Variants in CREBL2 observed in about 807,000 individuals in gnomAD.
CREBL2 encodes the protein cAMP responsive element binding protein like 2.
In CREBL2, 4 loss-of-function variants were observed where a neutral mutation model predicts 19.5. The observed-to-expected ratio is 0.20, with a 90% CI of 0.10 to 0.47. The LOEUF (loss-of-function observed/expected upper bound fraction) is 0.47, where lower values mean the gene tolerates loss of function less well. CREBL2 is among the 20% of genes least tolerant of loss of function. The pLI, the probability that CREBL2 is intolerant of heterozygous loss-of-function variation, is 0.98. For synonymous variants in CREBL2, 42 were observed against 46.6 expected (o/e 0.90, Z 0.40); for missense variants, 85 against 145.1 (o/e 0.59, Z 2.13).
chr12:12,619,439 C>T (rs541312414), intron 1 of CREBL2, among the ~76,000 whole-genome samples: 2 of 152,230 alleles, frequency 1.3e-5, no homozygotes, highest in South Asian at 4.2e-4. Context: ...AACCCCATCT[C>T]TTCAAAAAAT....
At chr12:12,620,843 G>A (rs1023566705) in intron 1 of CREBL2, among the ~76,000 whole-genome samples, 5 of 152,104 alleles carry the variant, frequency 3.3e-5, no homozygotes, top group African/African-American at 4.8e-5. Context: ...CATTTTATTG[G>A]GTGAGGCAGA....
chr12:12,642,004 A>G lies in CREBL2; in HGVS notation c.*6A>G, dbSNP rs767888899. On this transcript the variant is annotated 3_prime_UTR_variant, in exon 4 of 4. Transcript: ENST00000228865. Reference sequence around the variant, plus strand: ...ACTTTTATTTTTCAGGGTGAAGATTATATAAAGATGAGTCAGTGATTGAAG... The same window carrying G: ...ACTTTTATTTTTCAGGGTGAAGATTGTATAAAGATGAGTCAGTGATTGAAG... The G allele has an allele frequency of 1.9e-6, 3 of 1,558,386 alleles. No homozygotes were observed. The highest frequency in any genetic ancestry group is 1.1e-5 in the South Asian group (1 of 87,688).
intron 1 of CREBL2, among the ~76,000 whole-genome samples, chr12:12,620,151 C>G (rs977538400): frequency 1.3e-5 from 2 of 152,174 alleles, no homozygotes; most frequent in Non-Finnish European, 2.9e-5. Flanking sequence ...TCAACACTTT[C>G]TAGAAGACCA....
intron 1 of CREBL2, among the ~76,000 whole-genome samples, chr12:12,633,454 A>G (rs1945454863): frequency 6.6e-6 from 1 of 152,162 alleles, no homozygotes. Context: ...CAAACAAACA[A>G]AAAACATGAC....
At chr12:12,641,595 T>A (rs1286639935) in intron 3 of CREBL2, among the ~76,000 whole-genome samples, 2 of 152,068 alleles carry the variant, frequency 1.3e-5, no homozygotes, top group Non-Finnish European at 2.9e-5. Flanking sequence ...AGGTGTGAGC[T>A]ACCACGCCCA....
rs770877510 is a variant in CREBL2, at chr12:12,635,966, C to G, written c.205C>G (p.Leu69Val). The change falls in exon 2 of 4, where the codon CTG (leucine) becomes GTG (valine). Residue 69 changes from leucine to valine, a missense_variant. Coordinates refer to ENST00000228865, the MANE Select transcript of CREBL2 (RefSeq NM_001310.4). ...AGCTATATGTGCCCTCAGAGAGGAA[C>G]TGGAAATGGTAAGAAATCGTCAGTA... ...ERAICALREE[L>V]EMYKQWCMAM... 1 of 1,612,882 alleles carries G rather than the reference C, an allele frequency of 6.2e-7. No homozygotes were observed. Among genetic ancestry groups the G allele is most frequent in the South Asian group, 1.1e-5 (1 of 90,750 alleles).
At chr12:12,612,953 C>A (rs1355854947) in intron 1 of CREBL2, among the ~76,000 whole-genome samples, 1 of 152,186 alleles carries the variant, frequency 6.6e-6, no homozygotes, top group Non-Finnish European at 1.5e-5. Context: ...CTCACCACAA[C>A]CTCCGCCTCC....
Position 12,612,063 on chromosome 12 carries a change from C to T in CREBL2, c.-110C>T. On this transcript the variant is annotated 5_prime_UTR_variant, in exon 1 of 4. Coordinates refer to ENST00000228865, the MANE Select transcript of CREBL2 (RefSeq NM_001310.4). ...CGAACTGTTAGGCGAGAGGAGGAGG[C>T]AGCCAGAACCATATCCCCTTCTTCC... 1.5e-6 allele frequency: 2 copies of T among 1,335,752 alleles called. No individual in the cohort carries two copies. Among genetic ancestry groups the T allele is most frequent in the South Asian group, 1.2e-5 (1 of 84,122 alleles). 82.7% of individuals were successfully genotyped at this position (1,335,752 alleles called of 1,614,324 possible). A position where few individuals can be genotyped will look rare whatever the true frequency, so the allele number is the denominator to read the frequency against.
At chr12:12,612,848 A>G (rs1014967572) in intron 1 of CREBL2, among the ~76,000 whole-genome samples, 2 of 152,174 alleles carry the variant, frequency 1.3e-5, no homozygotes, top group Non-Finnish European at 2.9e-5. Context: ...TAATCCAAAT[A>G]GTTTATCTAT....
chr12:12,639,619 T>C (rs923495185), intron 3 of CREBL2, among the ~76,000 whole-genome samples: 6 of 151,822 alleles, frequency 4.0e-5, no homozygotes, highest in African/African-American at 1.5e-4. Flanking sequence ...GGTCCCCTGC[T>C]CATGTTTTAA....
intron 3 of CREBL2, among the ~76,000 whole-genome samples, chr12:12,641,116 T>G (rs1295628824): frequency 6.6e-6 from 1 of 151,818 alleles, no homozygotes; most frequent in African/African-American, 2.4e-5. Context: ...AAGCAACATT[T>G]GTTGAAGAAA....
chr12:12,628,330 C>T (rs952528187), intron 1 of CREBL2, among the ~76,000 whole-genome samples: 1 of 152,042 alleles, frequency 6.6e-6, no homozygotes, highest in South Asian at 2.1e-4. Context: ...GAATGTCTAT[C>T]CAAATCCTTG....
intron 1 of CREBL2, among the ~76,000 whole-genome samples, chr12:12,620,637 A>C (rs1244322809): frequency 1.3e-5 from 2 of 152,246 alleles, no homozygotes; most frequent in East Asian, 3.8e-4. Context: ...GTTGAAATCT[A>C]AGTTTAAATA....
intron 1 of CREBL2, chr12:12,614,682 T>G (rs1461395903): frequency 3.5e-6 from 1 of 285,244 alleles, no homozygotes; most frequent in Non-Finnish European, 6.9e-6. Flanking sequence ...CTGATCATTT[T>G]CCTTCACACG....
intron 1 of CREBL2, chr12:12,614,892 C>G: frequency 5.1e-6 from 1 of 197,194 alleles, no homozygotes; most frequent in Non-Finnish European, 1.0e-5. Flanking sequence ...GAGTCTCTCT[C>G]TGTCCCCCAG....
In CREBL2 at chr12:12,614,467, C is replaced by CTTT. The variant is rs34307341; in HGVS notation, c.15+2296_15+2298dup. 18 of 128,498 alleles carry CTTT rather than the reference C, an allele frequency of 1.4e-4. 1 individual carries two copies. The South Asian group carries it at 1.7e-3, about 12-fold the overall frequency. 8.0% of individuals were successfully genotyped at this position (128,498 alleles called of 1,614,324 possible). A position where few individuals can be genotyped will look rare whatever the true frequency, so the allele number is the denominator to read the frequency against. On this transcript the variant is annotated intron_variant, in intron 1 of 3. Transcript: ENST00000228865. ...CCAGGTACCTTTCTTATTTAGTTTC[C>CTTT]TTTTTTTTTTTTTTTTTTGAAATAG...
At chr12:12,637,913 A>G (rs562565669) in intron 3 of CREBL2, among the ~76,000 whole-genome samples, 199 bp downstream of exon 3, 32 of 152,072 alleles carry the variant, frequency 2.1e-4, no homozygotes, top group African/African-American at 6.3e-4. Flanking sequence ...ATGGGGGTGC[A>G]TGCCTGTAAT....
At chr12:12,618,239 CGGCT>C (rs1400116032) in intron 1 of CREBL2, among the ~76,000 whole-genome samples, 1 of 150,256 alleles carries the variant, frequency 6.7e-6, no homozygotes, top group Non-Finnish European at 1.5e-5. Context: ...CCAGACGGGG[CGGCT>C]GCCGGGCGGA....
chr12:12,618,814 C>T (rs912996950), intron 1 of CREBL2, among the ~76,000 whole-genome samples: 9 of 152,348 alleles, frequency 5.9e-5, no homozygotes, highest in Non-Finnish European at 7.3e-5. Flanking sequence ...AGATCACTCG[C>T]GGTCAGGAGC....
Sources: gnomAD v4.1 joint callset for allele counts (sites outside exome capture counted in the v4.1 genomes callset) on GRCh38, gnomAD v4.1.1 for gene constraint, MANE v1.5 for transcripts, NCBI Gene and HGNC (gene_info 2026-07-23, HGNC 2026-07-21) for gene names.